The following BAIAP3 variants were observed in gnomAD, a reference collection of about 807,000 sequenced individuals.
BAIAP3 encodes the protein BAI1 associated protein 3.
In BAIAP3, 180 loss-of-function variants were observed where a neutral mutation model predicts 149.7. The ratio of observed to expected loss-of-function variants is 1.20; its 90% CI spans 1.07 to 1.36. The LOEUF (loss-of-function observed/expected upper bound fraction) is 1.36. Among genes scored for constraint, BAIAP3 ranks in the 40% most tolerant of loss-of-function variants. BAIAP3 has a pLI of 0.00. For missense variants in BAIAP3, 1,767 were observed against 1,563.4 expected (o/e 1.13, Z -2.20); for synonymous variants, 845 against 670.7 (o/e 1.26, Z -4.02).
In BAIAP3 at chr16:1,339,261, G is replaced by T; in HGVS notation, c.300+17G>T. ...CCAGAGGAGGTAAAGGTGGGGGTCG[G>T]AACCAGGGGCAGTCGTCTGCAGCGG... On this transcript the variant is annotated intron_variant, in intron 4 of 33. Transcript: ENST00000426824. The T allele has an allele frequency of 6.4e-7, 1 of 1,555,708 alleles. No homozygotes were observed.
At position 1,346,670 on chromosome 16, in the gene BAIAP3, G is replaced by C; in HGVS notation, c.2628G>C (p.Lys876Asn). 1.3e-6 allele frequency: 2 copies of C among 1,542,912 alleles called. No individual in the cohort carries two copies. Among genetic ancestry groups the C allele is most frequent in the Non-Finnish European group, 1.7e-6 (2 of 1,146,718 alleles). Residue 876 changes from lysine to asparagine, a missense_variant, in exon 27 of 34, where the codon AAG becomes AAC. Coordinates refer to ENST00000426824, the MANE Select transcript of BAIAP3 (RefSeq NM_001199097.2). ...KLALLNASLVKGNLSRVLEAL... is the reference protein window; with the variant it reads ...KLALLNASLVNGNLSRVLEAL... ...CCCTGCTGAACGCCTCGCTGGTGAAGGGGAACCTGAGCAGGTGCGGGCGGG... is the reference window on the plus strand; with the variant it reads ...CCCTGCTGAACGCCTCGCTGGTGAACGGGAACCTGAGCAGGTGCGGGCGGG...
chr16:1,339,396 A>C (rs1016314276), intron 4 of BAIAP3, 100 bp from the exon 5 acceptor site: 40 of 1,480,446 alleles, frequency 2.7e-5, no homozygotes, highest in Non-Finnish European at 3.3e-5. Context: ...TCCTGGTGCA[A>C]AGAGGCAGAG....
chr16:1,336,456 C>G, intron 1 of BAIAP3: 1 of 932,508 alleles, frequency 1.1e-6, no homozygotes, highest in Non-Finnish European at 1.3e-6. Context: ...AACCCTCCTT[C>G]CTGTCCTCAG....
Position 1,347,907 on chromosome 16 carries a change from C to T in BAIAP3, c.3039C>T (p.Pro1013=). ...GTGCTCCTGCAGGCTTAAGTGACCC[C>T]TTTGTGATCGTGGAGCTGGGCCCAC... ...LPLDANGLSD[P]FVIVELGPPH... The change falls in exon 32 of 34, where the codon CCC becomes CCT. Residue 1013 remains proline, a synonymous_variant. Transcript: ENST00000426824. The T allele has an allele frequency of 6.2e-7, 1 of 1,611,968 alleles. No individual in the cohort carries two copies. The highest frequency in any genetic ancestry group is 8.5e-7 in the Non-Finnish European group (1 of 1,179,930).
At chr16:1,336,177 G>A in intron 1 of BAIAP3, 3 of 983,934 alleles carry the variant, frequency 3.0e-6, no homozygotes, top group Non-Finnish European at 2.4e-6. Context: ...CCTGGCAACA[G>A]CTCCAGCAGC....
intron 1 of BAIAP3, among the ~76,000 whole-genome samples, chr16:1,335,715 C>T (rs1029249853): frequency 6.6e-6 from 1 of 152,178 alleles, no homozygotes; most frequent in Non-Finnish European, 1.5e-5. Flanking sequence ...GTCTTCTGTA[C>T]ACCTGTGCCA....
intron 28 of BAIAP3, 116 bp from the exon 29 acceptor site, chr16:1,347,182 C>T (rs1363532760): frequency 1.8e-6 from 2 of 1,123,838 alleles, no homozygotes; most frequent in African/African-American, 3.2e-5. Context: ...AGAAAGGGCT[C>T]TGCCCTTGGC....
At position 1,346,341 on chromosome 16, in the gene BAIAP3, A is replaced by T; in HGVS notation, c.2473A>T (p.Thr825Ser). 6.2e-7 allele frequency: 1 copy of T among 1,604,848 alleles called. No homozygotes were observed. Reference protein sequence around the residue: ...DDLQREAHTVTAHLTSKMVGD... With the variant: ...DDLQREAHTVSAHLTSKMVGD... ...TCTGCAACGGGAGGCCCACACGGTG[A>T]CAGCGCACCTGACCTCTAAGGTGGG... Residue 825 changes from threonine (T) to serine (S), a missense_variant, in exon 25 of 34, where the codon ACA (threonine) becomes TCA (serine). Thr to Ser is a moderately conservative substitution (Grantham distance 58). Transcript: ENST00000426824.
chr16:1,348,114 G>A lies in BAIAP3; in HGVS notation c.3168G>A (p.Ala1056=), dbSNP rs368402804. The A allele has an allele frequency of 2.6e-5, 41 of 1,603,536 alleles. No individual in the cohort carries two copies. Among genetic ancestry groups the A allele is most frequent in the African/African-American group, 5.3e-5 (4 of 74,924 alleles). ...TCCGCAGTTCCGTGCCTGCCGAGGCGTGCCGCCGCCGCGCGGCCTGTGTGT... is the reference window on the plus strand; with the variant it reads ...TCCGCAGTTCCGTGCCTGCCGAGGCATGCCGCCGCCGCGCGGCCTGTGTGT... ...ELFYFSVPAE[A]CRRRAACVLF... is the part of the protein sequence containing the mutation. Residue 1056 remains alanine, a synonymous_variant, in exon 33 of 34, where the codon GCG becomes GCA. Coordinates refer to ENST00000426824, the MANE Select transcript of BAIAP3 (RefSeq NM_001199097.2).
At position 1,341,150 on chromosome 16, in the gene BAIAP3, G is replaced by A. The variant is rs1567162326; in HGVS notation, c.490G>A (p.Val164Ile). Residue 164 changes from valine (V) to isoleucine (I), a missense_variant, in exon 7 of 34, where the codon GTC becomes ATC. Physicochemically the swap from Val to Ile is conservative, Grantham distance 29. Coordinates refer to ENST00000426824, the MANE Select transcript of BAIAP3 (RefSeq NM_001199097.2). ...KAKAPTYALK[V>I]SVMRAKNLLA... ...ACAGGCCCCCACGTATGCCCTGAAA[G>A]TCTCTGTCATGCGTGCCAAGAACCT... is the stretch of plus-strand genomic sequence containing the variant. 5 of 1,612,722 alleles carry A rather than the reference G, an allele frequency of 3.1e-6. No homozygotes were observed. Among genetic ancestry groups the A allele is most frequent in the Admixed American group, 3.3e-5 (2 of 59,990 alleles).
intron 6 of BAIAP3, 34 bp from the exon 7 acceptor site, chr16:1,341,095 C>A (rs1267921950): frequency 6.8e-6 from 11 of 1,610,440 alleles, no homozygotes; most frequent in Non-Finnish European, 9.3e-6. Context: ...GGCAGCTCAG[C>A]CTCACCAGGC....
rs751936007 is a variant in BAIAP3 at position 1,342,390 on chromosome 16, T to C, written c.957+107T>C. The C allele has an allele frequency of 3.6e-6, 5 of 1,396,032 alleles. No individual in the cohort carries two copies. The Admixed American group carries it at 1.0e-4, about 29-fold the overall frequency. 86.5% of individuals were successfully genotyped at this position (1,396,032 alleles called of 1,614,324 possible). ...CTGGAGAAGCTCCTGCTTTTGGGCC[T>C]CCACTGAGTGCGCTTGTCACCCTCA... On this transcript the variant is annotated intron_variant, in intron 11 of 33. Coordinates refer to ENST00000426824, the MANE Select transcript of BAIAP3 (RefSeq NM_001199097.2).
intron 2 of BAIAP3, 88 bp from the exon 3 acceptor site, chr16:1,338,814 C>T: frequency 6.9e-6 from 11 of 1,590,320 alleles, no homozygotes; most frequent in Non-Finnish European, 9.4e-6. Context: ...CTGTGGATGT[C>T]ACATGGCCCT....
In BAIAP3 at chr16:1,344,511, A is replaced by T; in HGVS notation, c.1645A>T (p.Ser549Cys). The change falls in exon 18 of 34, where the codon AGT (serine) becomes TGT (cysteine). Residue 549 changes from serine (S) to cysteine (C), a missense_variant. By Grantham distance (112) the Ser-to-Cys change is moderately radical (BLOSUM62 -1). Coordinates refer to ENST00000426824, the MANE Select transcript of BAIAP3 (RefSeq NM_001199097.2). Reference sequence around the variant, plus strand: ...GTACGACAGGATCCTGAATGACAAGAGTCCCCGAGAGCAGGTGCAGTTGTG... The same window carrying T: ...GTACGACAGGATCCTGAATGACAAGTGTCCCCGAGAGCAGGTGCAGTTGTG... Reference protein sequence around the residue: ...EWYDRILNDKSPREQPGPQRL... With the variant: ...EWYDRILNDKCPREQPGPQRL... 6.2e-7 allele frequency: 1 copy of T among 1,612,948 alleles called. No homozygotes were observed. Among genetic ancestry groups the T allele is most frequent in the Admixed American group, 1.7e-5 (1 of 60,018 alleles).
chr16:1,344,800 T>A lies in BAIAP3; in HGVS notation c.1760T>A (p.Ile587Asn). The change falls in exon 20 of 34, where the codon ATC (isoleucine) becomes AAC (asparagine). Residue 587 changes from isoleucine (I) to asparagine (N), a missense_variant and splice_region_variant. By Grantham distance (149) the Ile-to-Asn change is moderately radical. Transcript: ENST00000426824. ...GAGGTGTGTCCCTTGCTCTGCAGCATCCTCAATGTGGACGTCTTCACCCTG... is the reference window on the plus strand; with the variant it reads ...GAGGTGTGTCCCTTGCTCTGCAGCAACCTCAATGTGGACGTCTTCACCCTG... ...YSVYASLFHSILNVDVFTLTF... is the reference protein window; with the variant it reads ...YSVYASLFHSNLNVDVFTLTF... 1 of 1,613,860 alleles carries A rather than the reference T, an allele frequency of 6.2e-7. No individual in the cohort carries two copies. Among genetic ancestry groups the A allele is most frequent in the Non-Finnish European group, 8.5e-7 (1 of 1,180,038 alleles).
rs781537158 is a variant in BAIAP3, at chr16:1,341,345, C to T, written c.587C>T (p.Thr196Met). The change falls in exon 8 of 34, where the codon ACG becomes ATG. Residue 196 changes from threonine (T) to methionine (M), a missense_variant. By Grantham distance (81) the Thr-to-Met change is moderately conservative. Coordinates refer to ENST00000426824, the MANE Select transcript of BAIAP3 (RefSeq NM_001199097.2). The stretch of plus-strand genomic sequence containing the variant: ...GGCATCCTGCCTGCCTCGGACGCCA[C>T]GCGGGAGCCCCGTGCACAGAAGGAG... ...MLGILPASDA[T>M]REPRAQKEQR... is the part of the protein sequence containing the mutation. The T allele has an allele frequency of 3.1e-6, 5 of 1,612,038 alleles. No homozygotes were observed. Among genetic ancestry groups the T allele is most frequent in the Admixed American group, 1.7e-5 (1 of 60,010 alleles).
At chr16:1,340,751 C>G (rs1050704315) in intron 5 of BAIAP3, among the ~76,000 whole-genome samples, 171 bp from the exon 6 acceptor site, 3 of 152,272 alleles carry the variant, frequency 2.0e-5, no homozygotes, top group African/African-American at 7.2e-5. Context: ...TGGGCATGCC[C>G]AGGCCCCTTG....
chr16:1,341,723 G>T (rs1450644162), intron 8 of BAIAP3, 99 bp from the exon 9 acceptor site: 3 of 1,346,238 alleles, frequency 2.2e-6, no homozygotes, highest in East Asian at 4.6e-5. Flanking sequence ...TGGAGAGCGG[G>T]TGCTTGTGGC....
Position 1,344,166 on chromosome 16 carries a change from T to G in BAIAP3, c.1511+20T>G. Reference sequence around the variant, plus strand: ...GCTGAAGTGGGTGCAGCGCCGCGTGTCAGCGTGGGTGGGGGCGGCTGGCAG... The same window carrying G: ...GCTGAAGTGGGTGCAGCGCCGCGTGGCAGCGTGGGTGGGGGCGGCTGGCAG... On this transcript the variant is annotated intron_variant, in intron 16 of 33. Coordinates refer to ENST00000426824, the MANE Select transcript of BAIAP3 (RefSeq NM_001199097.2). The G allele has an allele frequency of 6.2e-7, 1 of 1,612,082 alleles. No individual in the cohort carries two copies. Among genetic ancestry groups the G allele is most frequent in the Non-Finnish European group, 8.5e-7 (1 of 1,179,618 alleles).
Sources: allele counts gnomAD v4.1 joint callset (sites outside exome capture counted in the v4.1 genomes callset), GRCh38; gene constraint gnomAD v4.1.1; transcripts MANE v1.5; gene names NCBI Gene and HGNC (gene_info 2026-07-23, HGNC 2026-07-21).